The following MIAT variants were observed in gnomAD, a reference collection of about 807,000 sequenced individuals.
MIAT encodes the protein MI related novel mRNA.
chr22:26,662,849 C>T (rs1163745690), intron 2 of MIAT, among the ~76,000 whole-genome samples: 1 of 152,144 alleles, frequency 6.6e-6, no homozygotes, highest in Non-Finnish European at 1.5e-5. Flanking sequence ...ACAGTACATG[C>T]TGTTTAGCGG....
exon 6 of MIAT, chr22:26,668,289 C>A (rs900762867): frequency 2.8e-5 from 11 of 398,484 alleles, no homozygotes; most frequent in Non-Finnish European, 4.9e-5. Context: ...TGGGTGACTC[C>A]CTGAAGATCT....
At chr22:26,665,984 G>A in exon 4 of MIAT, 2 of 398,610 alleles carry the variant, frequency 5.0e-6, no homozygotes, top group Non-Finnish European at 8.8e-6. Context: ...AGCACTTTGT[G>A]ATCATATTTA....
intron 2 of MIAT, chr22:26,647,489 CG>C (rs1569216454): frequency 2.6e-6 from 1 of 384,160 alleles, no homozygotes; most frequent in Admixed American, 4.5e-5. Flanking sequence ...CCAGAAGGAG[CG>C]GGGCCCCAGT....
At chr22:26,674,433 C>G (rs1931183480), downstream of MIAT, 1 of 398,766 alleles carries the variant, frequency 2.5e-6, no homozygotes, top group Non-Finnish European at 4.4e-6. Flanking sequence ...GAAGACAGTT[C>G]AAGGCAGGGC....
At chr22:26,659,505 C>T (rs773205954) in intron 2 of MIAT, among the ~76,000 whole-genome samples, 1 of 152,000 alleles carries the variant, frequency 6.6e-6, no homozygotes, top group South Asian at 2.1e-4. Context: ...CCCCTTACCG[C>T]CAGCTTTAGG....
At chr22:26,661,947 TATATATATATATATAC>T (rs1397103448) in intron 2 of MIAT, among the ~76,000 whole-genome samples, 55 of 37,308 alleles carry the variant, frequency 1.5e-3, no homozygotes, top group South Asian at 0.013. Flanking sequence ...TATATATATA[TATATATATATATATAC>T]ACACACACAC....
At chr22:26,675,651 G>C (rs1931234965) in exon 5 of MIAT, 1 of 398,566 alleles carries the variant, frequency 2.5e-6, no homozygotes, top group Non-Finnish European at 4.4e-6. Context: ...AGGCTCGGAA[G>C]GGGAGCAATC....
downstream of MIAT, chr22:26,670,220 G>C (rs762637892): frequency 7.5e-6 from 3 of 398,342 alleles, no homozygotes; most frequent in Admixed American, 4.4e-5. Context: ...AATGCTTCCT[G>C]GGGTATTTAA....
chr22:26,660,853 T>G (rs1930637645), intron 2 of MIAT: 1 of 152,240 alleles, frequency 6.6e-6, no homozygotes, highest in African/African-American at 2.4e-5. Flanking sequence ...GTGTGTCCAC[T>G]TCAGTCAGGG....
exon 1 of MIAT, chr22:26,646,908 C>T: frequency 2.5e-6 from 1 of 398,608 alleles, no homozygotes; most frequent in Non-Finnish European, 4.4e-6. Flanking sequence ...GTGACAGGAA[C>T]AGATGTTCAG....
At chr22:26,654,896 T>C (rs922282315) in intron 2 of MIAT, among the ~76,000 whole-genome samples, 2 of 152,028 alleles carry the variant, frequency 1.3e-5, no homozygotes, top group Non-Finnish European at 2.9e-5. Flanking sequence ...TATTTTTTAG[T>C]AGAGATGGGG....
chr22:26,672,511 GA>G (rs1370042703), downstream of MIAT: 5 of 399,300 alleles, frequency 1.3e-5, no homozygotes, highest in Non-Finnish European at 1.8e-5. Context: ...TGGGACCAGG[GA>G]AATCTCTGGG....
intron 3 of MIAT, chr22:26,663,658 C>T (rs1930747872): frequency 5.4e-6 from 2 of 367,356 alleles, no homozygotes; most frequent in East Asian, 7.9e-5. Flanking sequence ...TTTGTGCGGC[C>T]TTTGATCTGG....
chr22:26,671,321 C>G (rs539743697), downstream of MIAT: 2 of 398,754 alleles, frequency 5.0e-6, no homozygotes, highest in African/African-American at 2.1e-5. Flanking sequence ...GTTAGACCCC[C>G]TGCCCTGGTC....
chr22:26,649,811 G>T (rs1930306399), intron 2 of MIAT, among the ~76,000 whole-genome samples: 5 of 152,208 alleles, frequency 3.3e-5, no homozygotes, highest in Admixed American at 3.3e-4. Flanking sequence ...TACTCGGGAG[G>T]CTGAGGCAGC....
At chr22:26,673,554 T>C (rs1569225652), downstream of MIAT, 1 of 398,744 alleles carries the variant, frequency 2.5e-6, no homozygotes, top group Non-Finnish European at 4.4e-6. Context: ...ACTAATGGTT[T>C]GTGGATTTTT....
chr22:26,676,086 G>T (rs1337971190), exon 5 of MIAT: 1 of 398,336 alleles, frequency 2.5e-6, no homozygotes, highest in East Asian at 3.6e-5. Flanking sequence ...TGAGGAATTG[G>T]CCTCCCAATC....
At chr22:26,667,333 AGTGT>A (rs61442362) in intron 5 of MIAT, 154 of 389,842 alleles carry the variant, frequency 4.0e-4, no homozygotes, top group Middle Eastern at 1.9e-3. Context: ...TCCTGGGAGC[AGTGT>A]GTGTGTGTGT....
At chr22:26,670,712 A>T, downstream of MIAT, 1 of 398,068 alleles carries the variant, frequency 2.5e-6, no homozygotes, top group Non-Finnish European at 4.4e-6. Context: ...AATTTCAAAT[A>T]CTCAGGGACA....
Sources: gnomAD v4.1 joint callset for allele counts (sites outside exome capture counted in the v4.1 genomes callset) on GRCh38, gnomAD v4.1.1 for gene constraint, MANE v1.5 for transcripts, NCBI Gene and HGNC (gene_info 2026-07-23, HGNC 2026-07-21) for gene names.